VPS13B: variants seen among roughly 807,000 people sequenced by gnomAD.
VPS13B encodes the protein intermembrane lipid transfer protein VPS13B.
VPS13B carries 285 observed loss-of-function variants against 426.4 expected under a neutral mutation model. The observed-to-expected ratio is 0.67, with a 90% CI of 0.61 to 0.74. The LOEUF is 0.74. VPS13B is among the 30% of genes least tolerant of loss of function. The pLI is 0.00. For missense variants in VPS13B, 4,537 were observed against 4,782.6 expected (o/e 0.95, Z 1.51); for synonymous variants, 1,676 against 1,676.4 (o/e 1.00, Z 0.01).
At chr8:99,650,551 T>C (rs1388355883) in intron 34 of VPS13B, among the ~76,000 whole-genome samples, 1 of 152,244 alleles carries the variant, frequency 6.6e-6, no homozygotes, top group Non-Finnish European at 1.5e-5. Context: ...AAATTGTGGA[T>C]AGTACTGACC....
chr8:99,109,871 G>A (rs1264398570), intron 5 of VPS13B, among the ~76,000 whole-genome samples: 5 of 152,098 alleles, frequency 3.3e-5, no homozygotes, highest in Admixed American at 2.0e-4. Flanking sequence ...AAAAGACTTA[G>A]TGTAGTATCT....
intron 20 of VPS13B, among the ~76,000 whole-genome samples, chr8:99,388,227 A>G (rs995635610): frequency 1.3e-5 from 2 of 152,170 alleles, no homozygotes; most frequent in African/African-American, 4.8e-5. Flanking sequence ...AAGCATTTGT[A>G]CTAATATCAT....
At chr8:99,399,174 A>C (rs1484596065) in intron 21 of VPS13B, among the ~76,000 whole-genome samples, 3 of 152,194 alleles carry the variant, frequency 2.0e-5, no homozygotes, top group Non-Finnish European at 4.4e-5. Context: ...AATAACTTGA[A>C]AATGTAATTC....
chr8:99,622,165 C>T (rs185339866), intron 33 of VPS13B, among the ~76,000 whole-genome samples: 21 of 152,236 alleles, frequency 1.4e-4, no homozygotes, highest in Admixed American at 3.3e-4. Flanking sequence ...TTAGTAGCTG[C>T]TAACATTGGT....
At chr8:99,365,294 C>A (rs1370078260) in intron 19 of VPS13B, among the ~76,000 whole-genome samples, 1 of 149,248 alleles carries the variant, frequency 6.7e-6, no homozygotes, top group Non-Finnish European at 1.5e-5. Context: ...TTTATTATTT[C>A]TTTTATTCTA....
chr8:99,697,385 G>T (rs1832072769), intron 35 of VPS13B: 1 of 609,426 alleles, frequency 1.6e-6, no homozygotes, highest in East Asian at 2.7e-5. Flanking sequence ...CAGTCCTGTG[G>T]TCAGAGACCC....
chr8:99,300,948 G>T (rs1406485529), intron 19 of VPS13B, among the ~76,000 whole-genome samples: 1 of 150,356 alleles, frequency 6.7e-6, no homozygotes, highest in Non-Finnish European at 1.5e-5. Context: ...TTTTGGCCCG[G>T]CATGGTGGCG....
At chr8:99,122,043 T>G (rs1847973940) in intron 8 of VPS13B, among the ~76,000 whole-genome samples, 1 of 150,654 alleles carries the variant, frequency 6.6e-6, no homozygotes, top group Non-Finnish European at 1.5e-5. Flanking sequence ...TAATATTTTG[T>G]AGAGTTGGGG....
chr8:99,541,588 A>T (rs1237645358), intron 30 of VPS13B, among the ~76,000 whole-genome samples: 1 of 152,178 alleles, frequency 6.6e-6, no homozygotes, highest in Non-Finnish European at 1.5e-5. Context: ...GAGTGACAAC[A>T]AGGCATAGCA....
At chr8:99,278,716 G>A (rs915891019) in intron 19 of VPS13B, among the ~76,000 whole-genome samples, 7 of 152,122 alleles carry the variant, frequency 4.6e-5, no homozygotes, top group African/African-American at 1.2e-4. Context: ...AGTTCCTAAC[G>A]TAACGGATCT....
chr8:99,365,288 T>C (rs529319317), intron 19 of VPS13B, among the ~76,000 whole-genome samples: 1 of 151,918 alleles, frequency 6.6e-6, no homozygotes, highest in East Asian at 1.9e-4. Context: ...CTGATCTTTA[T>C]TATTTCTTTT....
chr8:99,774,726 C>T (rs1811660507), intron 40 of VPS13B, among the ~76,000 whole-genome samples: 1 of 152,080 alleles, frequency 6.6e-6, no homozygotes, highest in Admixed American at 6.5e-5. Flanking sequence ...ACATGTACAA[C>T]TAATATATTT....
chr8:99,352,228 C>T (rs1027379698), intron 19 of VPS13B, among the ~76,000 whole-genome samples: 3 of 152,230 alleles, frequency 2.0e-5, no homozygotes, highest in South Asian at 4.1e-4. Context: ...ATAGGCAGTC[C>T]TCCCCTTGAG....
chr8:99,066,726 T>C (rs959671813), intron 3 of VPS13B, among the ~76,000 whole-genome samples: 1 of 152,106 alleles, frequency 6.6e-6, no homozygotes, highest in South Asian at 2.1e-4. Flanking sequence ...ACCTACAGAA[T>C]AGGAGAAAAT....
At chr8:99,084,574 T>G (rs558058502) in intron 3 of VPS13B, among the ~76,000 whole-genome samples, 1 of 152,228 alleles carries the variant, frequency 6.6e-6, no homozygotes, top group Non-Finnish European at 1.5e-5. Context: ...CTTTCCTGCT[T>G]TCTCTTGTGG....
chr8:99,548,431 T>C (rs1478065405), intron 30 of VPS13B, among the ~76,000 whole-genome samples: 1 of 152,030 alleles, frequency 6.6e-6, no homozygotes, highest in East Asian at 1.9e-4. Flanking sequence ...AAAAAAACTC[T>C]AGTGAGCCAT....
chr8:99,773,611 A>G (rs1269382669), intron 40 of VPS13B, among the ~76,000 whole-genome samples: 3 of 152,192 alleles, frequency 2.0e-5, no homozygotes, highest in Non-Finnish European at 4.4e-5. Context: ...TGTCTAGGAT[A>G]TTTCCACTAT....
At chr8:99,349,350 A>AAAAAAAAAAAAAAAAAAG in intron 19 of VPS13B, among the ~76,000 whole-genome samples, 1 of 147,602 alleles carries the variant, frequency 6.8e-6, no homozygotes, top group Middle Eastern at 3.6e-3. Flanking sequence ...AAAAAAAAAA[A>AAAAAAAAAAAAAAAAAAG]AAAAAGAAAA....
In VPS13B at chr8:99,848,853, C is replaced by A. The variant is rs1816114798; in HGVS notation, c.10020C>A (p.Ala3340=). Residue 3340 remains alanine (A), a synonymous_variant, in exon 55 of 62, where the codon GCC becomes GCA. Transcript: ENST00000357162. The part of the protein sequence containing the change: ...HQCGTVFITV[A]PEGKAGPILT... ...GTGGCACAGTCTTCATCACTGTGGC[C>A]CCAGAAGGAAAAGCAGGACCTATTT... is the stretch of plus-strand genomic sequence containing the variant. The A allele has an allele frequency of 6.2e-7, 1 of 1,613,950 alleles. No individual in the cohort carries two copies. The highest frequency in any genetic ancestry group is 8.5e-7 in the Non-Finnish European group (1 of 1,179,960).
Sources: allele counts gnomAD v4.1 joint callset (sites outside exome capture counted in the v4.1 genomes callset), GRCh38; gene constraint gnomAD v4.1.1; transcripts MANE v1.5; gene names NCBI Gene and HGNC (gene_info 2026-07-23, HGNC 2026-07-21).